Variants in TBC1D4 observed in about 807,000 individuals in gnomAD.
TBC1D4 encodes TBC1 domain family member 4.
A neutral mutation model predicts 142.5 loss-of-function variants in TBC1D4; 121 were observed. That is an observed-to-expected ratio of 0.85 (90% CI 0.73 to 0.99). TBC1D4 has a LOEUF of 0.99. Ranked by LOEUF, TBC1D4 falls within the 50% of genes least tolerant of loss-of-function variation. The pLI is 0.00. For missense variants in TBC1D4, 1,475 were observed against 1,606.6 expected (o/e 0.92, Z 1.40); for synonymous variants, 630 against 628.2 (o/e 1.00, Z -0.04).
chr13:75,369,297 C>T (rs931470019), intron 1 of TBC1D4, among the ~76,000 whole-genome samples: 1 of 152,104 alleles, frequency 6.6e-6, no homozygotes, highest in Non-Finnish European at 1.5e-5. Context: ...AGTTCAAGAC[C>T]AGCCTGGGAA....
At chr13:75,468,344 C>A (rs2138312778) in intron 1 of TBC1D4, among the ~76,000 whole-genome samples, 1 of 152,216 alleles carries the variant, frequency 6.6e-6, no homozygotes, top group Non-Finnish European at 1.5e-5. Context: ...ATCATGTTAC[C>A]ACTGGGAAGC....
At chr13:75,381,219 C>T (rs746315931) in intron 1 of TBC1D4, among the ~76,000 whole-genome samples, 37 of 152,192 alleles carry the variant, frequency 2.4e-4, no homozygotes, top group Non-Finnish European at 4.4e-4. Flanking sequence ...CAACTAACTC[C>T]ATGATGTACA....
chr13:75,393,003 C>G (rs927776947), intron 1 of TBC1D4, among the ~76,000 whole-genome samples: 1 of 151,898 alleles, frequency 6.6e-6, no homozygotes, highest in Non-Finnish European at 1.5e-5. Context: ...CTCTATTTTG[C>G]TAGAATTCCA....
rs1331135868 is a variant in TBC1D4 at position 75,284,503 on chromosome 13, TGGCTGATCTGACA to T, written c.*2276_*2288del. ...GCGCTCCTATGAGAATCTAATGCCG[TGGCTGATCTGACA>T]GGAGTCAGAGCTCAGGCAGTCATGC... On this transcript the variant is annotated 3_prime_UTR_variant, in exon 21 of 21. Coordinates refer to ENST00000377636, the MANE Select transcript of TBC1D4 (RefSeq NM_014832.5). 6.6e-6 allele frequency among the ~76,000 whole-genome samples: 1 copy of T among 152,170 alleles called. No homozygotes were observed. Among genetic ancestry groups the T allele is most frequent in the Admixed American group, 6.6e-5 (1 of 15,264 alleles).
At chr13:75,481,213 T>G in intron 1 of TBC1D4, 57 bp downstream of exon 1, 16 of 657,424 alleles carry the variant, frequency 2.4e-5, no homozygotes, top group East Asian at 4.8e-5. Context: ...CCTCCCGCCC[T>G]GCTCCCCGAT....
chr13:75,462,826 C>T (rs1372351219), intron 1 of TBC1D4, among the ~76,000 whole-genome samples: 1 of 152,104 alleles, frequency 6.6e-6, no homozygotes, highest in East Asian at 1.9e-4. Context: ...ATCATCCCAC[C>T]TCCCCGCTGC....
At chr13:75,456,847 T>TC (rs1484993931) in intron 1 of TBC1D4, among the ~76,000 whole-genome samples, 2 of 151,236 alleles carry the variant, frequency 1.3e-5, no homozygotes, top group African/African-American at 4.9e-5. Flanking sequence ...CACAAAAATG[T>TC]CCATAACACC....
chr13:75,330,269 TTC>T (rs1209591593), intron 8 of TBC1D4, among the ~76,000 whole-genome samples: 1 of 152,220 alleles, frequency 6.6e-6, no homozygotes, highest in African/African-American at 2.4e-5. Flanking sequence ...GTTTAAACAG[TTC>T]TTTCTTCTTT....
At chr13:75,474,416 AGGCGTGGT>A (rs1888546574) in intron 1 of TBC1D4, among the ~76,000 whole-genome samples, 1 of 152,074 alleles carries the variant, frequency 6.6e-6, no homozygotes, top group Non-Finnish European at 1.5e-5. Context: ...AAAATTAGCC[AGGCGTGGT>A]GGCGGGTGCC....
intron 1 of TBC1D4, among the ~76,000 whole-genome samples, chr13:75,376,213 AC>A (rs937636055): frequency 1.3e-5 from 2 of 152,214 alleles, no homozygotes; most frequent in African/African-American, 4.8e-5. Flanking sequence ...AAACAAAAAA[AC>A]CAGAAATCTT....
chr13:75,444,015 A>C (rs1887164781), intron 1 of TBC1D4, among the ~76,000 whole-genome samples: 1 of 152,154 alleles, frequency 6.6e-6, no homozygotes, highest in East Asian at 1.9e-4. Flanking sequence ...GTAACAGAGG[A>C]CAAAGGCAAA....
At chr13:75,379,887 CTTTTTTTTTTTTTTTTTTTT>C (rs750734086) in intron 1 of TBC1D4, among the ~76,000 whole-genome samples, 18 of 98,664 alleles carry the variant, frequency 1.8e-4, no homozygotes, top group East Asian at 6.9e-4. Flanking sequence ...TCATCTGACT[CTTTTTTTTTTTTTTTTTTTT>C]TTTTTTTTTT....
intron 1 of TBC1D4, chr13:75,366,913 C>A: frequency 1.0e-6 from 1 of 985,168 alleles, no homozygotes. Context: ...AGGAAAGATA[C>A]CTTTGATCAG....
At chr13:75,332,709 C>G (rs1048557217) in intron 8 of TBC1D4, among the ~76,000 whole-genome samples, 6 of 152,108 alleles carry the variant, frequency 3.9e-5, no homozygotes, top group Non-Finnish European at 7.4e-5. Context: ...ATACTTCTGA[C>G]AAATCTCCTA....
chr13:75,447,587 T>C (rs1427870300), intron 1 of TBC1D4, among the ~76,000 whole-genome samples: 2 of 151,696 alleles, frequency 1.3e-5, no homozygotes, highest in Non-Finnish European at 2.9e-5. Context: ...CATATACGTA[T>C]ACTTTATATA....
At chr13:75,287,847 T>A (rs1200812149) in intron 20 of TBC1D4, among the ~76,000 whole-genome samples, 1 of 152,008 alleles carries the variant, frequency 6.6e-6, no homozygotes, top group Non-Finnish European at 1.5e-5. Context: ...TTCCAGTTTG[T>A]AGCCAGGTGC....
intron 19 of TBC1D4, 32 bp from the exon 20 acceptor site, chr13:75,289,142 C>T (rs1369369634): frequency 1.2e-6 from 2 of 1,611,874 alleles, no homozygotes; most frequent in South Asian, 2.2e-5. Flanking sequence ...TTAGGCTAGC[C>T]TTTGGTATGT....
At chr13:75,460,164 A>AAT (rs1887906472) in intron 1 of TBC1D4, among the ~76,000 whole-genome samples, 2 of 150,526 alleles carry the variant, frequency 1.3e-5, no homozygotes, top group East Asian at 2.1e-4. Context: ...TAAAAAAAAA[A>AAT]AATAATAATA....
intron 1 of TBC1D4, among the ~76,000 whole-genome samples, chr13:75,476,292 C>G (rs1888628776): frequency 6.6e-6 from 1 of 152,156 alleles, no homozygotes; most frequent in Admixed American, 6.5e-5. Context: ...TTTCTATACA[C>G]CTTATACACA....
Sources: gnomAD v4.1 joint callset for allele counts (sites outside exome capture counted in the v4.1 genomes callset) on GRCh38, gnomAD v4.1.1 for gene constraint, MANE v1.5 for transcripts, NCBI Gene and HGNC (gene_info 2026-07-23, HGNC 2026-07-21) for gene names.